Variants in SP140 observed in about 807,000 individuals in gnomAD.
SP140 encodes the protein SP140 nuclear body protein, also known as nuclear body protein SP140.
In SP140, 81 loss-of-function variants were observed where a neutral mutation model predicts 125.0. The observed-to-expected ratio is 0.65, with a 90% CI of 0.54 to 0.78. SP140 has a LOEUF of 0.78. Ranked by LOEUF, SP140 falls within the 30% of genes least tolerant of loss-of-function variation. The probability of loss-of-function intolerance (pLI) is 0.00; values close to 1 mark genes in which losing one functional copy is unlikely to be tolerated. For missense variants in SP140, 858 were observed against 1,037.0 expected (o/e 0.83, Z 2.37); for synonymous variants, 312 against 354.0 (o/e 0.88, Z 1.33).
intron 3 of SP140, chr2:230,214,805 G>C (rs536202623): frequency 1.4e-6 from 1 of 710,572 alleles, no homozygotes; most frequent in African/African-American, 1.8e-5. Context: ...TGCTCCTGCA[G>C]CTGTACCAAT....
In SP140 at chr2:230,245,979, A is replaced by G. The variant is rs749910214; in HGVS notation, c.742+39A>G. The G allele has an allele frequency of 3.8e-5, 45 of 1,178,112 alleles. 1 individual carries two copies. The South Asian group carries it at 5.0e-4, about 13-fold the overall frequency. The allele number at this position is 1,178,112 out of a possible 1,614,324, so 73.0% of individuals were successfully genotyped here. ...AAATTAAAGCTTTATTTTTCTGTCA[A>G]CATACAAAAACACCTACTCTTTCAT... On this transcript the variant is annotated intron_variant, in intron 7 of 26. Coordinates refer to ENST00000392045, the MANE Select transcript of SP140 (RefSeq NM_007237.5).
At chr2:230,223,333 C>A (rs1019403299), upstream of SP140, among the ~76,000 whole-genome samples, 1 of 152,206 alleles carries the variant, frequency 6.6e-6, no homozygotes, top group Non-Finnish European at 1.5e-5. Context: ...CCATGCCCAG[C>A]CCAGTCTGAC....
chr2:230,215,159 A>G, intron 3 of SP140: 1 of 1,481,050 alleles, frequency 6.8e-7, no homozygotes, highest in Non-Finnish European at 9.4e-7. Flanking sequence ...TGACTATAAA[A>G]TTGAATGGGA....
rs540206082 is a variant in SP140 at position 230,251,170 on chromosome 2, A to G, written c.1057+109A>G. ...CTCCAAGTATACTTCACAGTGAAAG[A>G]ATGCAATTAAATCTGAGATTTTTCA... On this transcript the variant is annotated intron_variant, in intron 10 of 26. Transcript: ENST00000392045. 7 of 855,260 alleles carry G rather than the reference A, an allele frequency of 8.2e-6. No homozygotes were observed. The Admixed American group carries it at 1.8e-4, about 22-fold the overall frequency. 53.0% of individuals were successfully genotyped at this position (855,260 alleles called of 1,614,324 possible). A position where few individuals can be genotyped will look rare whatever the true frequency, so the allele number is the denominator to read the frequency against.
At chr2:230,305,184 C>A (rs2058639943) in intron 22 of SP140, among the ~76,000 whole-genome samples, 1 of 152,172 alleles carries the variant, frequency 6.6e-6, no homozygotes, top group African/African-American at 2.4e-5. Context: ...CAGGGAAATG[C>A]AAATCAAAAC....
chr2:230,270,648 A>AAATAAG lies in SP140; in HGVS notation c.1498+13_1498+18dup. On this transcript the variant is annotated intron_variant, in intron 15 of 26. Transcript: ENST00000392045. ...ACCCAAGAGGAAAAGAAGTAAGAAT[A>AAATAAG]AATAAGAATTTATTTGCTTTTGGTA... The AAATAAG allele has an allele frequency of 6.2e-7, 1 of 1,600,198 alleles. No individual in the cohort carries two copies. Among genetic ancestry groups the AAATAAG allele is most frequent in the East Asian group, 2.2e-5 (1 of 44,752 alleles).
At chr2:230,299,815 G>T (rs747368122) in intron 22 of SP140, among the ~76,000 whole-genome samples, 11 of 152,152 alleles carry the variant, frequency 7.2e-5, no homozygotes, top group Non-Finnish European at 1.3e-4. Context: ...CTGCCTGGGT[G>T]CTGGGTGAAG....
intron 7 of SP140, 44 bp downstream of exon 7, chr2:230,245,984 C>A: frequency 8.8e-7 from 1 of 1,137,838 alleles, no homozygotes; most frequent in Non-Finnish European, 1.3e-6. Context: ...TGTCAACATA[C>A]AAAAACACCT....
intron 14 of SP140, 29 bp downstream of exon 14, chr2:230,269,982 G>T: frequency 6.6e-7 from 1 of 1,513,980 alleles, no homozygotes; most frequent in Admixed American, 1.7e-5. Flanking sequence ...CGTGGGATGG[G>T]GGTGGCTCAG....
chr2:230,195,346 T>A, the SP140 span, among the ~76,000 whole-genome samples: 11 of 152,156 alleles, frequency 7.2e-5, no homozygotes, highest in African/African-American at 1.4e-4. Flanking sequence ...ATTTAAAAAG[T>A]TTTTTGGGGA....
At chr2:230,216,681 T>C in intron 3 of SP140, 1 of 1,471,466 alleles carries the variant, frequency 6.8e-7, no homozygotes, top group Non-Finnish European at 9.5e-7. Context: ...GGCTGGGCCT[T>C]CCAAACTCTG....
intron 22 of SP140, among the ~76,000 whole-genome samples, chr2:230,309,561 T>C (rs2059141153): frequency 1.3e-5 from 2 of 152,246 alleles, no homozygotes; most frequent in African/African-American, 4.8e-5. Flanking sequence ...CTAGTTGATT[T>C]GTGGTATAGG....
At chr2:230,186,178 C>T in the SP140 span, 5 of 1,610,728 alleles carry the variant, frequency 3.1e-6, no homozygotes, top group East Asian at 1.1e-4. Context: ...GTTTAGTGAG[C>T]TCCCTTCTCA....
At chr2:230,288,076 T>A in intron 18 of SP140, 110 bp downstream of exon 18, 1 of 884,488 alleles carries the variant, frequency 1.1e-6, no homozygotes, top group Non-Finnish European at 1.7e-6. Flanking sequence ...TATGAAGCTG[T>A]ACTAACTAGT....
intron 22 of SP140, among the ~76,000 whole-genome samples, chr2:230,302,566 A>G (rs1043913792): frequency 2.0e-5 from 3 of 152,366 alleles, no homozygotes; most frequent in Admixed American, 6.5e-5. Flanking sequence ...TGGACTTAAC[A>G]GATATTACAG....
upstream of SP140, among the ~76,000 whole-genome samples, chr2:230,221,282 A>G (rs1054959236): frequency 8.0e-5 from 11 of 138,284 alleles, no homozygotes; most frequent in East Asian, 4.0e-4. Context: ...CTCCATCTCG[A>G]AAAAAAAAAA....
the SP140 span, among the ~76,000 whole-genome samples, chr2:230,194,378 TCA>T: frequency 6.6e-6 from 1 of 151,664 alleles, no homozygotes; most frequent in East Asian, 1.9e-4. Context: ...GGCAAGAGGA[TCA>T]CTTGAGGCCA....
intron 12 of SP140, among the ~76,000 whole-genome samples, chr2:230,256,527 G>GC (rs2051236165): frequency 2.3e-5 from 3 of 133,324 alleles, no homozygotes; most frequent in South Asian, 6.1e-4. Context: ...CTATTGTGGG[G>GC]TGGGGGAGGG....
chr2:230,310,104 C>G, intron 23 of SP140, 65 bp downstream of exon 23: 1 of 1,503,994 alleles, frequency 6.6e-7, no homozygotes, highest in Non-Finnish European at 9.2e-7. Flanking sequence ...CATGCGCACT[C>G]TCCAGCAGAG....
Sources: allele counts gnomAD v4.1 joint callset (sites outside exome capture counted in the v4.1 genomes callset), GRCh38; gene constraint gnomAD v4.1.1; transcripts MANE v1.5; gene names NCBI Gene and HGNC (gene_info 2026-07-23, HGNC 2026-07-21).